RIMS3: variants seen among roughly 807,000 people sequenced by gnomAD.
RIMS3 encodes the protein regulating synaptic membrane exocytosis protein 3.
A neutral mutation model predicts 29.2 loss-of-function variants in RIMS3; 15 were observed. The ratio of observed to expected loss-of-function variants is 0.51; its 90% CI spans 0.34 to 0.79. The LOEUF (loss-of-function observed/expected upper bound fraction) is 0.79, where lower values mean the gene tolerates loss of function less well. Ranked by LOEUF, RIMS3 falls within the 30% of genes least tolerant of loss-of-function variation. RIMS3 has a pLI of 0.01. For synonymous variants in RIMS3, 161 were observed against 170.1 expected, an observed-to-expected ratio of 0.95 and a Z score of 0.41; for missense variants, 342 against 421.4, an observed-to-expected ratio of 0.81 and a Z score of 1.65.
At chr1:40,682,741 CTTTT>C in the RIMS3 span, among the ~76,000 whole-genome samples, 55 of 77,516 alleles carry the variant, frequency 7.1e-4, 6 homozygotes, top group African/African-American at 2.7e-3. Context: ...CTTTGCAGAT[CTTTT>C]TTTTTTTTTT....
At chr1:40,626,857 T>A in intron 7 of RIMS3, 128 bp from the exon 8 acceptor site, 1 of 788,458 alleles carries the variant, frequency 1.3e-6, no homozygotes, top group South Asian at 1.5e-5. Context: ...CAAGACTGAT[T>A]TCACACAATA....
At chr1:40,667,012 G>T (rs191726433), upstream of RIMS3, among the ~76,000 whole-genome samples, 4 of 152,194 alleles carry the variant, frequency 2.6e-5, no homozygotes, top group Admixed American at 2.6e-4. Context: ...GTGACAGGGG[G>T]AACTCTGTCT....
rs541477364 is a variant in RIMS3, at chr1:40,655,322, CAGA to C, written c.-206-7483_-206-7481del. Among the ~76,000 whole-genome samples, 21 of 152,136 alleles carry C rather than the reference CAGA, an allele frequency of 1.4e-4. No homozygotes were observed. In the South Asian group the frequency reaches 4.3e-3, roughly 31 times the overall value. Reference sequence around the variant, plus strand: ...TGAGGCCTGTGTTATACATAGGAAGCAGAAGAACTGTAGGGTATGCAGCCCCTA... The same window carrying C: ...TGAGGCCTGTGTTATACATAGGAAGCAGAACTGTAGGGTATGCAGCCCCTA... On this transcript the variant is annotated intron_variant, in intron 1 of 7. Transcript: ENST00000372684.
the RIMS3 span, chr1:40,690,678 G>C: frequency 6.6e-6 from 1 of 152,144 alleles, no homozygotes; most frequent in African/African-American, 2.4e-5. Flanking sequence ...CAAGTCGAGG[G>C]TTTACTCCAC....
chr1:40,629,283 T>C lies in RIMS3; in HGVS notation c.562A>G (p.Lys188Glu). Residue 188 changes from lysine to glutamate, a missense_variant, in exon 6 of 8, where the codon AAA (lysine) becomes GAA (glutamate). Coordinates refer to ENST00000372684, the MANE Select transcript of RIMS3 (RefSeq NM_014747.3). ...ARGLTPKPGSKSLPATYIKVY... is the reference protein window; with the variant it reads ...ARGLTPKPGSESLPATYIKVY... ...CAAAATCCCTCACCTGGGAGGGATT[T>C]GGAGCCTGGTTTGGGGGTCAGGCCC... 6.2e-7 allele frequency: 1 copy of C among 1,614,084 alleles called. No individual in the cohort carries two copies. The highest frequency in any genetic ancestry group is 8.5e-7 in the Non-Finnish European group (1 of 1,179,936).
intron 1 of RIMS3, among the ~76,000 whole-genome samples, chr1:40,658,431 C>T (rs1172242395): frequency 6.6e-6 from 1 of 152,242 alleles, no homozygotes; most frequent in African/African-American, 2.4e-5. Context: ...CCTGCACCCA[C>T]ATCGGCACTC....
intron 1 of RIMS3, among the ~76,000 whole-genome samples, chr1:40,650,013 TC>T (rs1646620693): frequency 6.6e-6 from 1 of 151,940 alleles, no homozygotes; most frequent in African/African-American, 2.4e-5. Context: ...CCCCTGATGT[TC>T]CCCCAGGGCC....
chr1:40,638,603 C>T (rs1402926226), intron 3 of RIMS3, among the ~76,000 whole-genome samples: 1 of 152,210 alleles, frequency 6.6e-6, no homozygotes, highest in Non-Finnish European at 1.5e-5. Context: ...TGACCCAGAT[C>T]CCAGAGTCCA....
chr1:40,683,136 G>C, the RIMS3 span, among the ~76,000 whole-genome samples: 1 of 152,048 alleles, frequency 6.6e-6, no homozygotes, highest in African/African-American at 2.4e-5. Flanking sequence ...ATGGGGACTC[G>C]AACTCAGGCT....
chr1:40,642,908 A>T (rs1646567864), intron 2 of RIMS3, among the ~76,000 whole-genome samples: 1 of 150,924 alleles, frequency 6.6e-6, no homozygotes, highest in Admixed American at 6.6e-5. Context: ...GTGAGCCGAG[A>T]TCGCACCATT....
chr1:40,678,465 T>TTG, the RIMS3 span, among the ~76,000 whole-genome samples: 1 of 152,114 alleles, frequency 6.6e-6, no homozygotes, highest in Non-Finnish European at 1.5e-5. Context: ...CTCCCTAAAC[T>TTG]CTACTCTGCA....
At position 40,643,121 on chromosome 1, in the gene RIMS3, CTCTTT is replaced by C. The variant is rs536828392; in HGVS notation, c.-31-1170_-31-1166del. Among the ~76,000 whole-genome samples, 42 of 152,068 alleles carry C rather than the reference CTCTTT, an allele frequency of 2.8e-4. No individual in the cohort carries two copies. In the South Asian group the frequency reaches 7.9e-3, roughly 29 times the overall value. ...TTTATCTCCTCTTTCTCTCTTTCCT[CTCTTT>C]TATTTGTATTTATTTATTTATTTAT... is the stretch of plus-strand genomic sequence containing the variant. On this transcript the variant is annotated intron_variant, in intron 2 of 7. Coordinates refer to ENST00000372684, the MANE Select transcript of RIMS3 (RefSeq NM_014747.3).
chr1:40,674,660 A>G, the RIMS3 span, among the ~76,000 whole-genome samples: 1 of 152,080 alleles, frequency 6.6e-6, no homozygotes, highest in Admixed American at 6.6e-5. Context: ...TGATAAAAGG[A>G]TGCATTCAAC....
chr1:40,674,328 T>C, the RIMS3 span, among the ~76,000 whole-genome samples: 2 of 152,190 alleles, frequency 1.3e-5, no homozygotes, highest in African/African-American at 2.4e-5. Context: ...AGTTTCTGCC[T>C]CACTCACATT....
intron 4 of RIMS3, among the ~76,000 whole-genome samples, chr1:40,633,403 A>T (rs1394587525): frequency 6.6e-6 from 1 of 152,262 alleles, no homozygotes; most frequent in African/African-American, 2.4e-5. Context: ...TTGAGAAAAT[A>T]AACTAATAAC....
rs2148340516 is a variant in RIMS3, at chr1:40,623,303, C to A, written c.*3214G>T. 5.0e-6 allele frequency: 2 copies of A among 398,064 alleles called. No individual in the cohort carries two copies. Among genetic ancestry groups the A allele is most frequent in the Non-Finnish European group, 8.9e-6 (2 of 225,960 alleles). 24.7% of individuals were successfully genotyped at this position (398,064 alleles called of 1,614,324 possible). On this transcript the variant is annotated 3_prime_UTR_variant, in exon 8 of 8. Transcript: ENST00000372684. ...GAAGGATCAAGTTCCCCTTGTCAAA[C>A]CAAGACTTGGCTCCATTTACTGGAG...
At chr1:40,648,070 A>G (rs1259309689) in intron 1 of RIMS3, among the ~76,000 whole-genome samples, 2 of 152,108 alleles carry the variant, frequency 1.3e-5, no homozygotes, top group African/African-American at 2.4e-5. Context: ...AAGACCCACA[A>G]CTTTGAGATT....
chr1:40,666,892 G>A (rs1642434624), upstream of RIMS3, among the ~76,000 whole-genome samples: 1 of 152,090 alleles, frequency 6.6e-6, no homozygotes, highest in African/African-American at 2.4e-5. Context: ...AGGTGTGGTG[G>A]CACACAACTA....
intron 4 of RIMS3, among the ~76,000 whole-genome samples, chr1:40,634,620 T>C (rs377245572): frequency 6.6e-6 from 1 of 152,108 alleles, no homozygotes; most frequent in South Asian, 2.1e-4. Context: ...ATAATGGTAA[T>C]ACCCACAACC....
Sources: gnomAD v4.1 joint callset for allele counts (sites outside exome capture counted in the v4.1 genomes callset) on GRCh38, gnomAD v4.1.1 for gene constraint, MANE v1.5 for transcripts, NCBI Gene and HGNC (gene_info 2026-07-23, HGNC 2026-07-21) for gene names.